The following CFAP46 variants were observed in gnomAD, a reference collection of about 807,000 sequenced individuals.
CFAP46 encodes cilia and flagella associated protein 46.
Under a neutral mutation model 325.7 loss-of-function variants are expected in CFAP46, and 245 were observed. The ratio of observed to expected loss-of-function variants is 0.75; its 90% CI spans 0.68 to 0.84. The LOEUF is 0.84. Among genes scored for constraint, CFAP46 ranks in the 40% least tolerant of loss-of-function variants. The probability of loss-of-function intolerance (pLI) is 0.00; values close to 1 mark genes in which losing one functional copy is unlikely to be tolerated. For synonymous variants in CFAP46, 1,523 were observed against 1,495.9 expected, an observed-to-expected ratio of 1.02 and a Z score of -0.42; for missense variants, 3,346 against 3,543.0, an observed-to-expected ratio of 0.94 and a Z score of 1.41.
intron 50 of CFAP46, among the ~76,000 whole-genome samples, chr10:132,824,795 T>C (rs1258620879): frequency 7.2e-6 from 1 of 139,340 alleles, no homozygotes; most frequent in Non-Finnish European, 1.5e-5. Flanking sequence ...TGCTGATGTG[T>C]GCTGTCTGTG....
chr10:132,821,346 CTGA>C (rs1445960221), intron 50 of CFAP46, among the ~76,000 whole-genome samples: 1 of 113,446 alleles, frequency 8.8e-6, no homozygotes, highest in South Asian at 3.4e-4. Flanking sequence ...GTGCTGTGTG[CTGA>C]TGTGTGCTGT....
chr10:132,880,171 G>A (rs1391880726), intron 28 of CFAP46, among the ~76,000 whole-genome samples: 1 of 152,180 alleles, frequency 6.6e-6, no homozygotes, highest in Non-Finnish European at 1.5e-5. Flanking sequence ...GCCGGCCTCT[G>A]CTCTTCACGG....
chr10:132,935,669 A>C (rs372012648), intron 7 of CFAP46, among the ~76,000 whole-genome samples: 303 of 70,368 alleles, frequency 4.3e-3, no homozygotes, highest in Middle Eastern at 0.012. Context: ...AAACACACTG[A>C]GATCTCCTCA....
intron 16 of CFAP46, among the ~76,000 whole-genome samples, chr10:132,917,132 G>T (rs191495558): frequency 6.6e-6 from 1 of 152,378 alleles, no homozygotes; most frequent in Non-Finnish European, 1.5e-5. Context: ...GTGGCCTCCG[G>T]CTCCCTGAGC....
At chr10:132,845,873 C>A (rs2135096372) in intron 44 of CFAP46, among the ~76,000 whole-genome samples, 184 bp downstream of exon 44, 1 of 152,318 alleles carries the variant, frequency 6.6e-6, no homozygotes, top group Non-Finnish European at 1.5e-5. Flanking sequence ...CCACAAGGAC[C>A]AGGGGACACT....
chr10:132,938,755 T>C lies in CFAP46; in HGVS notation c.372-2A>G, dbSNP rs200153146. ...GCATTGTACACCAAAAAGTAGTACC[T>C]GCGGCGCGAGCAGAGGAAGCAGAGA... On this transcript the variant is annotated splice_acceptor_variant, in intron 4 of 57. Transcript: ENST00000368586. LOFTEE classifies it high-confidence loss of function. 2.0e-4 allele frequency: 318 copies of C among 1,610,548 alleles called. No homozygotes were observed. The highest frequency in any genetic ancestry group is 1.1e-4 in the Non-Finnish European group (126 of 1,178,400).
chr10:132,894,584 CAA>C (rs140875977), intron 24 of CFAP46, among the ~76,000 whole-genome samples: 1 of 142,876 alleles, frequency 7.0e-6, no homozygotes, highest in African/African-American at 2.6e-5. Context: ...AGCTAACTGA[CAA>C]AAAAAAAAGA....
chr10:132,904,784 C>CA (rs1193497371), intron 22 of CFAP46, among the ~76,000 whole-genome samples: 1 of 152,190 alleles, frequency 6.6e-6, no homozygotes, highest in Non-Finnish European at 1.5e-5. Flanking sequence ...TGTTTGGAGA[C>CA]AGAGTCTCGC....
At chr10:132,856,023 G>C (rs1400858833) in intron 39 of CFAP46, among the ~76,000 whole-genome samples, 2 of 152,244 alleles carry the variant, frequency 1.3e-5, no homozygotes, top group African/African-American at 4.8e-5. Context: ...CAGCCACTGA[G>C]GACGCCTTCC....
At position 132,876,543 on chromosome 10, in the gene CFAP46, G is replaced by A. The variant is rs528755918; in HGVS notation, c.4362+269C>T. On this transcript the variant is annotated intron_variant, in intron 31 of 57. Transcript: ENST00000368586. The surrounding 1 kb of genome is among the most constrained non-coding windows in gnomAD (Gnocchi z 4.1). ...TCAATTTCTGTTGTTTTAACCATGCGGTTGTGGGAGCTTGTCATGAACACC... is the reference window on the plus strand; with the variant it reads ...TCAATTTCTGTTGTTTTAACCATGCAGTTGTGGGAGCTTGTCATGAACACC... 3.4e-4 allele frequency among the ~76,000 whole-genome samples: 52 copies of A among 152,306 alleles called. No homozygotes were observed. Among genetic ancestry groups the A allele is most frequent in the African/African-American group, 1.1e-3 (46 of 41,566 alleles).
At position 132,939,731 on chromosome 10, in the gene CFAP46, A is replaced by T; in HGVS notation, c.372-978T>A. On this transcript the variant is annotated intron_variant, in intron 4 of 57. Transcript: ENST00000368586. This position sits in a 1 kb window ranked among gnomAD's most constrained non-coding sequence, Gnocchi z 4.6. ...GTCAGAGGGGTCATCATGGGACTCCAGCGGCCTGCTGCGTCTCCCTGAGTG... is the reference window on the plus strand; with the variant it reads ...GTCAGAGGGGTCATCATGGGACTCCTGCGGCCTGCTGCGTCTCCCTGAGTG... 6.6e-6 allele frequency among the ~76,000 whole-genome samples: 1 copy of T among 152,090 alleles called. No individual in the cohort carries two copies. Among genetic ancestry groups the T allele is most frequent in the Non-Finnish European group, 1.5e-5 (1 of 68,018 alleles).
At chr10:132,810,762 G>A (rs778191688) in intron 56 of CFAP46, 188 bp downstream of exon 56, 11 of 736,152 alleles carry the variant, frequency 1.5e-5, no homozygotes, top group South Asian at 3.0e-5. Flanking sequence ...CCAGGGGCCC[G>A]GCTGAGCCGC....
intron 13 of CFAP46, among the ~76,000 whole-genome samples, chr10:132,921,240 C>T (rs916741582): frequency 1.2e-4 from 19 of 152,312 alleles, no homozygotes; most frequent in African/African-American, 4.3e-4. Flanking sequence ...TGGAGGGAGG[C>T]CTGGCAGCAG....
chr10:132,909,479 T>G (rs1849508254), intron 20 of CFAP46, among the ~76,000 whole-genome samples: 1 of 152,202 alleles, frequency 6.6e-6, no homozygotes, highest in Non-Finnish European at 1.5e-5. Context: ...GTCTGAAGGC[T>G]GGGTGACCCC....
intron 24 of CFAP46, 50 bp downstream of exon 24, chr10:132,898,909 C>T (rs1043861178): frequency 2.4e-5 from 37 of 1,544,482 alleles, no homozygotes; most frequent in Non-Finnish European, 3.0e-5. Context: ...TCTGGAAGAC[C>T]CACTAGAGGC....
rs184096577 is a variant in CFAP46, at chr10:132,876,421, C to T, written c.4362+391G>A. 6.6e-6 allele frequency among the ~76,000 whole-genome samples: 1 copy of T among 152,322 alleles called. No individual in the cohort carries two copies. Among genetic ancestry groups the T allele is most frequent in the East Asian group, 1.9e-4 (1 of 5,184 alleles). On this transcript the variant is annotated intron_variant, in intron 31 of 57. Transcript: ENST00000368586. The surrounding 1 kb of genome is among the most constrained non-coding windows in gnomAD (Gnocchi z 4.1). The stretch of plus-strand genomic sequence containing the variant: ...ACCGGGATGAGGAAAGAGGGATCTT[C>T]CCCGGCCCCTTTGGAGGGTGTGCCA...
intron 13 of CFAP46, among the ~76,000 whole-genome samples, chr10:132,920,429 T>C (rs1849705879): frequency 6.6e-6 from 1 of 152,106 alleles, no homozygotes; most frequent in South Asian, 2.1e-4. Flanking sequence ...TCCAGGAACT[T>C]TGGAGCAGAG....
In CFAP46 at chr10:132,817,488, A is replaced by G. The variant is rs1000307285; in HGVS notation, c.7118-2574T>C. On this transcript the variant is annotated intron_variant, in intron 50 of 57. Coordinates refer to ENST00000368586, the MANE Select transcript of CFAP46 (RefSeq NM_001200049.3). This position sits in a 1 kb window ranked among gnomAD's most constrained non-coding sequence, Gnocchi z 4.4. ...TCTACCATCTTACTACTTTATTTTT[A>G]TTTGTCCTGGTTTTCTACCTGTTTC... Among the ~76,000 whole-genome samples the G allele has an allele frequency of 6.6e-6, 1 of 151,854 alleles. No individual in the cohort carries two copies. The highest frequency in any genetic ancestry group is 1.5e-5 in the Non-Finnish European group (1 of 67,970).
Position 132,892,432 on chromosome 10 carries a change from G to C in CFAP46, c.3220-15C>G, listed in dbSNP as rs1485970643. 2 of 1,549,716 alleles carry C rather than the reference G, an allele frequency of 1.3e-6. No individual in the cohort carries two copies. Among genetic ancestry groups the C allele is most frequent in the East Asian group, 4.9e-5 (2 of 40,912 alleles). ...TTTCCTTTCTCCTAAAGTAACGCAAGTAAACGACACGTATATTTGAAAGTT... is the reference window on the plus strand; with the variant it reads ...TTTCCTTTCTCCTAAAGTAACGCAACTAAACGACACGTATATTTGAAAGTT... On this transcript the variant is annotated splice_polypyrimidine_tract_variant and intron_variant, in intron 24 of 57. Transcript: ENST00000368586.
Sources: allele counts gnomAD v4.1 joint callset (sites outside exome capture counted in the v4.1 genomes callset), GRCh38; gene constraint gnomAD v4.1.1; non-coding constraint Gnocchi (gnomAD v3.1); transcripts MANE v1.5; gene names NCBI Gene and HGNC (gene_info 2026-07-23, HGNC 2026-07-21).